The following LIN9 variants were observed in gnomAD, a reference collection of about 807,000 sequenced individuals.
LIN9 encodes the protein protein lin-9 homolog.
Under a neutral mutation model 78.0 loss-of-function variants are expected in LIN9, and 18 were observed. That is an observed-to-expected ratio of 0.23 (90% CI 0.16 to 0.34). LIN9 has a LOEUF of 0.34. LIN9 is among the 10% of genes least tolerant of loss of function. The probability of loss-of-function intolerance (pLI) is 1.00; values close to 1 mark genes in which losing one functional copy is unlikely to be tolerated. For missense variants in LIN9, 451 were observed against 644.1 expected (o/e 0.70, Z 3.25); for synonymous variants, 192 against 215.2 (o/e 0.89, Z 0.94).
intron 3 of LIN9, among the ~76,000 whole-genome samples, chr1:226,296,573 T>A (rs145895873): frequency 6.6e-6 from 1 of 152,348 alleles, no homozygotes; most frequent in East Asian, 1.9e-4. Context: ...TTCAGAGGTT[T>A]CATTAATAGA....
intron 10 of LIN9, among the ~76,000 whole-genome samples, chr1:226,256,616 T>C (rs1000545526): frequency 1.3e-5 from 2 of 151,768 alleles, no homozygotes; most frequent in South Asian, 4.2e-4. Flanking sequence ...TGGAGTGCAG[T>C]GGTGCGATCT....
chr1:226,241,487 T>G (rs568539209), intron 11 of LIN9, among the ~76,000 whole-genome samples: 2 of 152,320 alleles, frequency 1.3e-5, no homozygotes, highest in East Asian at 3.9e-4. Context: ...TTTAATGAAT[T>G]AAAGATGTAC....
chr1:226,282,149 C>T (rs1661105772), intron 6 of LIN9, among the ~76,000 whole-genome samples: 1 of 152,120 alleles, frequency 6.6e-6, no homozygotes, highest in Non-Finnish European at 1.5e-5. Context: ...CATATTAGTA[C>T]ATAGAAACCA....
At chr1:226,249,893 G>C (rs1410455921) in intron 11 of LIN9, among the ~76,000 whole-genome samples, 2 of 152,124 alleles carry the variant, frequency 1.3e-5, no homozygotes, top group African/African-American at 4.8e-5. Context: ...TCTGGGCCGG[G>C]TGCTGTGGCT....
At chr1:226,282,078 C>T (rs1661101151) in intron 6 of LIN9, among the ~76,000 whole-genome samples, 1 of 152,202 alleles carries the variant, frequency 6.6e-6, no homozygotes, top group African/African-American at 2.4e-5. Flanking sequence ...TCTCAAATAG[C>T]TACAGTATGC....
intron 12 of LIN9, among the ~76,000 whole-genome samples, chr1:226,235,650 G>A (rs1657656950): frequency 6.6e-6 from 1 of 152,172 alleles, no homozygotes; most frequent in Non-Finnish European, 1.5e-5. Context: ...GAGCATTTCA[G>A]ACTTGGGATG....
At chr1:226,299,797 G>A (rs1164671636) in intron 2 of LIN9, among the ~76,000 whole-genome samples, 1 of 152,064 alleles carries the variant, frequency 6.6e-6, no homozygotes, top group Non-Finnish European at 1.5e-5. Flanking sequence ...TGTTAAAAAG[G>A]TTAGTCTAAT....
chr1:226,282,181 T>TA (rs961708357), intron 6 of LIN9, among the ~76,000 whole-genome samples: 2 of 152,206 alleles, frequency 1.3e-5, no homozygotes, highest in African/African-American at 4.8e-5. Flanking sequence ...TGTTTTATGT[T>TA]AAATGGTTTC....
intron 7 of LIN9, among the ~76,000 whole-genome samples, chr1:226,268,576 C>T (rs186601365): frequency 3.9e-4 from 59 of 152,248 alleles, no homozygotes; most frequent in African/African-American, 1.3e-3. Context: ...CCACTGTTCC[C>T]TAATTAATAA....
chr1:226,265,464 T>C lies in LIN9; in HGVS notation c.1038+69A>G. On this transcript the variant is annotated intron_variant, in intron 10 of 14. Transcript: ENST00000681046. The surrounding 1 kb of genome is among the most constrained non-coding windows in gnomAD (Gnocchi z 4.1). ...AACCTACACGGCCCTAGAAAAATTTTCAACTTTAATAACATAAAAGGCATT... is the reference window on the plus strand; with the variant it reads ...AACCTACACGGCCCTAGAAAAATTTCCAACTTTAATAACATAAAAGGCATT... The C allele has an allele frequency of 1.1e-6, 1 of 921,822 alleles. No individual in the cohort carries two copies. The highest frequency in any genetic ancestry group is 1.6e-5 in the South Asian group (1 of 63,468). The allele number at this position is 921,822 out of a possible 1,614,324, so 57.1% of individuals were successfully genotyped here.
At chr1:226,266,187 T>C in intron 9 of LIN9, 26 bp downstream of exon 9, 1 of 1,466,652 alleles carries the variant, frequency 6.8e-7, no homozygotes, top group Non-Finnish European at 9.2e-7. Flanking sequence ...TCAATTAAAT[T>C]ATTGATATTT....
chr1:226,309,573 TC>T (rs1454357634), upstream of LIN9: 1 of 1,189,258 alleles, frequency 8.4e-7, no homozygotes, highest in African/African-American at 1.6e-5. Flanking sequence ...AAAGAAGCCC[TC>T]GGTTCTGGGT....
intron 3 of LIN9, 38 bp from the exon 4 acceptor site, chr1:226,295,984 A>G: frequency 7.1e-7 from 1 of 1,413,022 alleles, no homozygotes; most frequent in African/African-American, 1.4e-5. Context: ...AAAAAGCCGA[A>G]CCCTCCCATT....
chr1:226,233,411 G>C lies in LIN9; in HGVS notation c.1358C>G (p.Pro453Arg), dbSNP rs765590971. 3 of 1,614,042 alleles carry C rather than the reference G, an allele frequency of 1.9e-6. No individual in the cohort carries two copies. Among genetic ancestry groups the C allele is most frequent in the African/African-American group, 1.3e-5 (1 of 75,018 alleles). ...TGTCAGATTTTCATTTTCAACGCAG[G>C]GCTGTCCTGTTGAGGAATTTGCATG... ...VRHANSSTGQ[P>R]CVENENLTDL... The change falls in exon 13 of 15, where the codon CCC (proline) becomes CGC (arginine). Residue 453 changes from proline to arginine, a missense_variant. Coordinates refer to ENST00000681046, the MANE Select transcript of LIN9 (RefSeq NM_001366245.2).
intron 7 of LIN9, among the ~76,000 whole-genome samples, chr1:226,270,808 G>C (rs762960076): frequency 2.8e-5 from 3 of 106,390 alleles, no homozygotes; most frequent in Non-Finnish European, 5.1e-5. Flanking sequence ...CTGGAAGACA[G>C]AGCAAGACTC....
intron 1 of LIN9, among the ~76,000 whole-genome samples, chr1:226,302,443 T>C (rs1357287841): frequency 6.6e-6 from 1 of 150,732 alleles, no homozygotes; most frequent in African/African-American, 2.4e-5. Flanking sequence ...CTCGGGAGGC[T>C]GAGGTGGGAG....
At position 226,265,571 on chromosome 1, in the gene LIN9, T is replaced by C; in HGVS notation, c.1000A>G (p.Thr334Ala). ...RSKISGSDTETLGGFPVEFLI... is the reference protein window; with the variant it reads ...RSKISGSDTEALGGFPVEFLI... ...AATTCTACTGGAAAACCACCTAATG[T>C]TTCAGTGTCAGAGCCAGAAATTTTA... The change falls in exon 10 of 15, where the codon ACA becomes GCA. Residue 334 changes from threonine (T) to alanine (A), a missense_variant. Transcript: ENST00000681046. The surrounding 1 kb of genome is among the most constrained non-coding windows in gnomAD (Gnocchi z 4.1). 5 of 1,611,976 alleles carry C rather than the reference T, an allele frequency of 3.1e-6. No individual in the cohort carries two copies. Among genetic ancestry groups the C allele is most frequent in the Non-Finnish European group, 4.2e-6 (5 of 1,178,172 alleles).
In LIN9 at chr1:226,290,715, T is replaced by C. The variant is rs561231053; in HGVS notation, c.265-2918A>G. 1.1e-3 allele frequency among the ~76,000 whole-genome samples: 165 copies of C among 152,244 alleles called. 1 individual carries two copies. The highest frequency in any genetic ancestry group is 2.2e-3 in the Non-Finnish European group (147 of 68,016). ...TACTGAGTTGGAGGCATTTGGAAAA[T>C]AGGAACTCTAATATATATAAACCAG... is the stretch of plus-strand genomic sequence containing the variant. On this transcript the variant is annotated intron_variant, in intron 4 of 14. Transcript: ENST00000681046.
chr1:226,308,320 T>A (rs1026424806), intron 1 of LIN9, among the ~76,000 whole-genome samples: 2 of 148,022 alleles, frequency 1.4e-5, no homozygotes, highest in Non-Finnish European at 3.0e-5. Context: ...TAAACATGGT[T>A]AGGGGAGGCA....
Sources: gnomAD v4.1 joint callset for allele counts (sites outside exome capture counted in the v4.1 genomes callset) on GRCh38, gnomAD v4.1.1 for gene constraint, Gnocchi (gnomAD v3.1) non-coding constraint, MANE v1.5 for transcripts, NCBI Gene and HGNC (gene_info 2026-07-23, HGNC 2026-07-21) for gene names.